Variants in DMD observed in about 807,000 individuals in gnomAD.
The protein encoded by DMD is mutant dystrophin.
Under a neutral mutation model 330.1 loss-of-function variants are expected in DMD, and 63 were observed. That is an observed-to-expected ratio of 0.19 (90% CI 0.16 to 0.24). The LOEUF is 0.24. Ranked by LOEUF, DMD falls within the 10% of genes least tolerant of loss-of-function variation. The probability of loss-of-function intolerance (pLI) is 1.00; values close to 1 mark genes in which losing one functional copy is unlikely to be tolerated. For missense variants in DMD, 3,344 were observed against 2,684.1 expected, an observed-to-expected ratio of 1.25 and a Z score of -5.43; for synonymous variants, 1,223 against 959.8, an observed-to-expected ratio of 1.27 and a Z score of -5.07.
At chrX:32,031,441 C>G (rs10126135) in intron 44 of DMD, among the ~76,000 whole-genome samples, 25,981 of 109,895 alleles carry the variant, frequency 0.24, 2,252 homozygotes, top group African/African-American at 0.26. Context: ...ATACCATTTG[C>G]GCTCCAGAGG....
At chrX:31,405,090 T>A (rs1026585786) in intron 60 of DMD, among the ~76,000 whole-genome samples, 7 of 110,861 alleles carry the variant, frequency 6.3e-5, no homozygotes, top group Non-Finnish European at 1.3e-4. Context: ...ATCCGGAGAG[T>A]TCTGGGAAAC....
chrX:32,508,294 T>A (rs1378482260), intron 18 of DMD, among the ~76,000 whole-genome samples: 1 of 111,846 alleles, frequency 8.9e-6, no homozygotes, highest in Non-Finnish European at 1.9e-5. Flanking sequence ...GGCACATTAC[T>A]TTCAAGAGGA....
chrX:32,136,480 G>A (rs182117760), intron 44 of DMD, among the ~76,000 whole-genome samples: 3 of 112,045 alleles, frequency 2.7e-5, no homozygotes, highest in African/African-American at 9.7e-5. Flanking sequence ...CCTGGCAGCC[G>A]AAGTCAATCT....
chrX:32,565,300 C>A (rs1165119582), intron 16 of DMD, among the ~76,000 whole-genome samples: 1 of 111,970 alleles, frequency 8.9e-6, no homozygotes, highest in Admixed American at 9.5e-5. Context: ...CCACTAACTT[C>A]TCTTGAAAAA....
chrX:32,252,829 T>TAAAA (rs2097278315), intron 43 of DMD, among the ~76,000 whole-genome samples: 1 of 61,249 alleles, frequency 1.6e-5, no homozygotes, highest in Non-Finnish European at 2.9e-5. Flanking sequence ...TATAAATATA[T>TAAAA]ATAAATATAT....
chrX:31,960,734 T>C (rs1423290861), intron 45 of DMD, among the ~76,000 whole-genome samples: 1 of 112,179 alleles, frequency 8.9e-6, no homozygotes, highest in African/African-American at 3.2e-5. Flanking sequence ...TCTGTTTCAC[T>C]AGAACTAGCC....
At chrX:32,658,608 T>C (rs1363865949) in intron 9 of DMD, among the ~76,000 whole-genome samples, 1 of 111,462 alleles carries the variant, frequency 9.0e-6, no homozygotes, top group Admixed American at 9.6e-5. Context: ...CTAATTTCTC[T>C]GAACTTCTCA....
intron 34 of DMD, among the ~76,000 whole-genome samples, chrX:32,367,638 G>T (rs959556416): frequency 8.9e-6 from 1 of 111,965 alleles, no homozygotes; most frequent in African/African-American, 3.2e-5. Context: ...GTTGCAGGTA[G>T]TTCCTGGGTC....
At chrX:31,465,281 A>G (rs1413476391) in intron 59 of DMD, among the ~76,000 whole-genome samples, 10 of 110,686 alleles carry the variant, frequency 9.0e-5, no homozygotes, top group African/African-American at 3.3e-4. Context: ...AGGTATACAC[A>G]TGCCATGGTG....
chrX:31,569,613 C>CGTATATATACGTATATAT (rs2075663798), intron 55 of DMD, among the ~76,000 whole-genome samples: 1 of 98,238 alleles, frequency 1.0e-5, no homozygotes, highest in Non-Finnish European at 2.0e-5. Context: ...TATGTATATA[C>CGTATATATACGTATATAT]GTATATATAC....
intron 2 of DMD, among the ~76,000 whole-genome samples, chrX:32,961,842 T>G (rs1451794477): frequency 9.0e-6 from 1 of 111,670 alleles, no homozygotes; most frequent in Non-Finnish European, 1.9e-5. Context: ...TAGCAAGAAC[T>G]AAGTCATCCC....
At chrX:32,753,244 C>T (rs990027770) in intron 7 of DMD, among the ~76,000 whole-genome samples, 1 of 111,672 alleles carries the variant, frequency 9.0e-6, no homozygotes, top group African/African-American at 3.3e-5. Flanking sequence ...TAGTACACAT[C>T]AAAAATAAAA....
At chrX:33,109,639 A>G (rs1424737034) in intron 1 of DMD, among the ~76,000 whole-genome samples, 3 of 111,923 alleles carry the variant, frequency 2.7e-5, no homozygotes, top group Non-Finnish European at 3.8e-5. Flanking sequence ...CAGGTAGCCA[A>G]TTATGGCCCA....
At chrX:32,097,323 T>C (rs1341502449) in intron 44 of DMD, among the ~76,000 whole-genome samples, 1 of 111,059 alleles carries the variant, frequency 9.0e-6, no homozygotes, top group Non-Finnish European at 1.9e-5. Context: ...ATTGCTCAAC[T>C]CCCAATTATG....
intron 16 of DMD, among the ~76,000 whole-genome samples, chrX:32,550,244 C>T (rs1353438042): frequency 9.0e-6 from 1 of 111,685 alleles, no homozygotes; most frequent in Non-Finnish European, 1.9e-5. Flanking sequence ...ATAAAACAAT[C>T]TTTAGAAAAT....
At chrX:33,030,215 G>C (rs751658757) in intron 1 of DMD, among the ~76,000 whole-genome samples, 17 of 111,671 alleles carry the variant, frequency 1.5e-4, no homozygotes, top group Non-Finnish European at 2.3e-4. Context: ...TGGGTCTTCT[G>C]TATAAATGAC....
intron 60 of DMD, among the ~76,000 whole-genome samples, chrX:31,428,182 G>A (rs1033056085): frequency 2.7e-5 from 3 of 111,749 alleles, no homozygotes; most frequent in Admixed American, 9.5e-5. Context: ...GGGGCCCGGT[G>A]GGGGAGACTG....
chrX:33,312,436 A>G (rs1228163534), intron 1 of DMD, among the ~76,000 whole-genome samples: 2 of 111,548 alleles, frequency 1.8e-5, no homozygotes, highest in Non-Finnish European at 1.9e-5. Context: ...GTACAAATAT[A>G]TAACTTTACT....
chrX:31,704,492 A>G (rs2084033611), intron 52 of DMD, among the ~76,000 whole-genome samples: 1 of 112,175 alleles, frequency 8.9e-6, no homozygotes, highest in Non-Finnish European at 1.9e-5. Flanking sequence ...AATTTAAAAT[A>G]AGGTAATCCA....
Sources: allele counts gnomAD v4.1 joint callset (sites outside exome capture counted in the v4.1 genomes callset), GRCh38; gene constraint gnomAD v4.1.1; transcripts MANE v1.5; gene names NCBI Gene and HGNC (gene_info 2026-07-23, HGNC 2026-07-21).